The following RPGR variants were observed in gnomAD, a reference collection of about 807,000 sequenced individuals.
The protein encoded by RPGR is X-linked retinitis pigmentosa GTPase regulator.
Under a neutral mutation model 56.3 loss-of-function variants are expected in RPGR, and 10 were observed. The ratio of observed to expected loss-of-function variants is 0.18; its 90% CI spans 0.11 to 0.30. RPGR has a LOEUF of 0.30. Ranked by LOEUF, RPGR falls within the 10% of genes least tolerant of loss-of-function variation. The pLI is 1.00. For synonymous variants in RPGR, 197 were observed against 212.9 expected, an observed-to-expected ratio of 0.93 and a Z score of 0.65; for missense variants, 538 against 590.9, an observed-to-expected ratio of 0.91 and a Z score of 0.93.
chrX:38,310,520 AC>A lies in RPGR; in HGVS notation c.778+94del. 5.1e-6 allele frequency: 4 copies of A among 789,583 alleles called. 1 individual carries two copies. The South Asian group carries it at 9.1e-5, about 18-fold the overall frequency. The allele number at this position is 789,583 out of a possible 1,213,427, so 65.1% of individuals were successfully genotyped here. On this transcript the variant is annotated intron_variant, in intron 7 of 18. Coordinates refer to ENST00000642395, the MANE Select transcript of RPGR (RefSeq NM_000328.3). ...AGGTAGTTCTCATAGTATTCTTACCACAATAAAAAAATGAACATAAAAAAAA... is the reference window on the plus strand; with the variant it reads ...AGGTAGTTCTCATAGTATTCTTACCAAATAAAAAAATGAACATAAAAAAAA...
chrX:38,283,223 A>C (rs1397764348), intron 15 of RPGR, among the ~76,000 whole-genome samples: 1 of 111,855 alleles, frequency 8.9e-6, no homozygotes, highest in East Asian at 2.8e-4. Flanking sequence ...TGATTAAATA[A>C]ATGTTCGCCC....
rs888934628 is a variant in RPGR at position 38,322,118 on chromosome X, C to A, written c.247+735G>T. 5.0e-4 allele frequency among the ~76,000 whole-genome samples: 56 copies of A among 111,885 alleles called. 4 individuals are homozygous for A. The highest frequency in any genetic ancestry group is 3.3e-3 in the Admixed American group (35 of 10,519). The stretch of plus-strand genomic sequence containing the variant: ...AAAGTTCCATAACAATTCCCATAAA[C>A]AGCATGAATATGATAAGCTACACTG... On this transcript the variant is annotated intron_variant, in intron 3 of 18. Coordinates refer to ENST00000642395, the MANE Select transcript of RPGR (RefSeq NM_000328.3).
At chrX:38,291,832 C>T (rs1179829925) in intron 11 of RPGR, among the ~76,000 whole-genome samples, 1 of 112,289 alleles carries the variant, frequency 8.9e-6, no homozygotes, top group Non-Finnish European at 1.9e-5. Flanking sequence ...TGTTCATACT[C>T]TTGTGTAGTT....
rs2067974624 is a variant in RPGR, at chrX:38,322,865, T to C, written c.235A>G (p.Thr79Ala). Residue 79 changes from threonine to alanine, a missense_variant, in exon 3 of 19, where the codon ACA becomes GCA. Thr to Ala is a moderately conservative substitution (Grantham distance 58). Coordinates refer to ENST00000642395, the MANE Select transcript of RPGR (RefSeq NM_000328.3). ...AAAGATCCCAAACCTTTGACACATG[T>C]TGGCTTGCTGATGGCTGACTTTGAT... is the stretch of plus-strand genomic sequence containing the variant. The C allele has an allele frequency of 8.3e-7, 1 of 1,208,727 alleles. No individual in the cohort carries two copies. Among genetic ancestry groups the C allele is most frequent in the Non-Finnish European group, 1.1e-6 (1 of 892,653 alleles).
Position 38,287,105 on chromosome X carries a change from C to T in RPGR, c.1894G>A (p.Asp632Asn). ...TTGCCTTCACTCACCTCTGCTTTGTCTGTAAGGTCATCTGATAGGATCTCT... is the reference window on the plus strand; with the variant it reads ...TTGCCTTCACTCACCTCTGCTTTGTTTGTAAGGTCATCTGATAGGATCTCT... Residue 632 changes from aspartate to asparagine, a missense_variant, in exon 15 of 19, where the codon GAC (aspartate) becomes AAC (asparagine). By Grantham distance (23) the Asp-to-Asn change is conservative. This residue lies in a region of RPGR where 357 missense variants were observed against 325.8 expected (regional missense o/e 1.10). Transcript: ENST00000642395. The T allele has an allele frequency of 8.3e-7, 1 of 1,211,323 alleles. No homozygotes were observed. Among genetic ancestry groups the T allele is most frequent in the Non-Finnish European group, 1.1e-6 (1 of 895,485 alleles).
chrX:38,282,152 C>G (rs2067044086), intron 15 of RPGR, among the ~76,000 whole-genome samples: 2 of 111,100 alleles, frequency 1.8e-5, no homozygotes, highest in South Asian at 7.6e-4. Context: ...TTTCACAGTT[C>G]TGATTCTATT....
At chrX:38,292,457 C>A (rs1426786255) in intron 11 of RPGR, among the ~76,000 whole-genome samples, 2 of 111,586 alleles carry the variant, frequency 1.8e-5, no homozygotes, top group East Asian at 5.6e-4. Flanking sequence ...CATTGATCAC[C>A]AATACATTTG....
chrX:38,279,872 AGTTAT>A lies in RPGR; in HGVS notation c.1906-3105_1906-3101del, dbSNP rs776304544. ...AATATAGCATAAAACTTTGTATTTA[AGTTAT>A]ATCAGGTAGAAAAATCAAAATTTCA... On this transcript the variant is annotated intron_variant, in intron 15 of 18. Transcript: ENST00000642395. Among the ~76,000 whole-genome samples the A allele has an allele frequency of 2.4e-3, 264 of 111,548 alleles. 1 individual carries two copies. The highest frequency in any genetic ancestry group is 4.6e-3 in the Middle Eastern group (1 of 216).
At chrX:38,295,252 A>G (rs2067353775) in intron 11 of RPGR, among the ~76,000 whole-genome samples, 1 of 111,910 alleles carries the variant, frequency 8.9e-6, no homozygotes, top group South Asian at 3.7e-4. Context: ...CTCCCTGTGT[A>G]GCCATCTCTT....
chrX:38,316,422 T>C (rs957987460), intron 6 of RPGR, among the ~76,000 whole-genome samples: 2 of 112,146 alleles, frequency 1.8e-5, no homozygotes, highest in African/African-American at 6.5e-5. Context: ...GCAGTTTTCT[T>C]AAAGCCCAAA....
chrX:38,276,315 C>T (rs1387701081), intron 16 of RPGR, among the ~76,000 whole-genome samples: 2 of 111,841 alleles, frequency 1.8e-5, no homozygotes, highest in Admixed American at 9.5e-5. Flanking sequence ...AATTTCCCAA[C>T]GGTGTACTAT....
chrX:38,274,049 A>C (rs1208395998), intron 17 of RPGR: 1 of 112,653 alleles, frequency 8.9e-6, no homozygotes, highest in East Asian at 2.8e-4. Flanking sequence ...GCAGAAGTTA[A>C]AAGGAACAGG....
chrX:38,286,501 CCCT>C lies in RPGR; in HGVS notation c.1905+590_1905+592del, dbSNP rs765319100. ...CTCCCCTTCCTCCTCTTCCCCCTCA[CCCT>C]CCTCCTCTTCCTCTTCCCTCTCTCC... is the stretch of plus-strand genomic sequence containing the variant. On this transcript the variant is annotated intron_variant, in intron 15 of 18. Transcript: ENST00000642395. The C allele has an allele frequency of 3.0e-5, 30 of 1,002,821 alleles. No individual in the cohort carries two copies. The African/African-American group carries it at 3.9e-4, about 13-fold the overall frequency. The allele number at this position is 1,002,821 out of a possible 1,213,427, so 82.6% of individuals were successfully genotyped here. A position where few individuals can be genotyped will look rare whatever the true frequency, so the allele number is the denominator to read the frequency against.
chrX:38,290,197 T>C (rs1446223082), intron 13 of RPGR, among the ~76,000 whole-genome samples: 5 of 112,114 alleles, frequency 4.5e-5, no homozygotes, highest in Non-Finnish European at 9.4e-5. Flanking sequence ...ACACTATAAA[T>C]AGAAACTAAA....
In RPGR at chrX:38,269,463, A is replaced by C; in HGVS notation, c.*163T>G. The stretch of plus-strand genomic sequence containing the variant: ...GAAATGACTTGTTAAAAATATTAGC[A>C]TAAATAAATATCAAAACTGGTCACA... On this transcript the variant is annotated 3_prime_UTR_variant, in exon 19 of 19. Transcript: ENST00000642395. 2.4e-6 allele frequency: 1 copy of C among 415,348 alleles called. No individual in the cohort carries two copies. Among genetic ancestry groups the C allele is most frequent in the East Asian group, 3.9e-5 (1 of 25,796 alleles). 34.2% of individuals were successfully genotyped at this position (415,348 alleles called of 1,213,427 possible).
chrX:38,295,370 T>C (rs972996197), intron 11 of RPGR, among the ~76,000 whole-genome samples: 5 of 112,438 alleles, frequency 4.4e-5, no homozygotes, highest in Non-Finnish European at 9.4e-5. Flanking sequence ...AGTTAAAGTA[T>C]ATGTTAGATA....
intron 15 of RPGR, among the ~76,000 whole-genome samples, chrX:38,279,630 T>C (rs2066994717): frequency 9.2e-6 from 1 of 108,818 alleles, no homozygotes; most frequent in African/African-American, 3.4e-5. Flanking sequence ...TTTTCCTTGA[T>C]TTGGATGCTG....
Position 38,304,613 on chromosome X carries a change from T to A in RPGR, c.934+22A>T, listed in dbSNP as rs750903442. The A allele has an allele frequency of 4.4e-6, 5 of 1,123,628 alleles. No individual in the cohort carries two copies. In the South Asian group the frequency reaches 9.2e-5, roughly 21 times the overall value. 92.6% of individuals were successfully genotyped at this position (1,123,628 alleles called of 1,213,427 possible). A position where few individuals can be genotyped will look rare whatever the true frequency, so the allele number is the denominator to read the frequency against. On this transcript the variant is annotated intron_variant, in intron 8 of 18. Coordinates refer to ENST00000642395, the MANE Select transcript of RPGR (RefSeq NM_000328.3). ...AAATATACCCAGTTCTATAAATATATAACAGAAATTCTAATCCATACCTGT... is the reference window on the plus strand; with the variant it reads ...AAATATACCCAGTTCTATAAATATAAAACAGAAATTCTAATCCATACCTGT...
intron 10 of RPGR, chrX:38,298,325 C>T (rs2067434013): frequency 3.2e-6 from 1 of 307,733 alleles, no homozygotes; most frequent in Admixed American, 3.7e-5. Flanking sequence ...TTTTAAAACA[C>T]AGAAGGAAAA....
Sources: gnomAD v4.1 joint callset for allele counts (sites outside exome capture counted in the v4.1 genomes callset) on GRCh38, gnomAD v4.1.1 for gene constraint, gnomAD v4.1.1 regional missense constraint, MANE v1.5 for transcripts, NCBI Gene and HGNC (gene_info 2026-07-23, HGNC 2026-07-21) for gene names.